The following AADACL4 variants were observed in gnomAD, a reference collection of about 807,000 sequenced individuals.
The protein encoded by AADACL4 is arylacetamide deacetylase like 4, also known as arylacetamide deacetylase-like 4.
Under a neutral mutation model 14.1 loss-of-function variants are expected in AADACL4, and 9 were observed. That is an observed-to-expected ratio of 0.64 (90% CI 0.39 to 1.12). The LOEUF is 1.12. Among genes scored for constraint, AADACL4 ranks in the 50% most tolerant of loss-of-function variants. The probability of loss-of-function intolerance (pLI) is 0.01; values close to 1 mark genes in which losing one functional copy is unlikely to be tolerated. For synonymous variants in AADACL4, 188 were observed against 201.6 expected (o/e 0.93, Z 0.57); for missense variants, 531 against 516.1 (o/e 1.03, Z -0.28).
chr1:12,658,098 T>TC (rs1557550772), intron 2 of AADACL4, among the ~76,000 whole-genome samples: 3 of 131,354 alleles, frequency 2.3e-5, no homozygotes, highest in East Asian at 4.3e-4. Flanking sequence ...TCTCTTTCTT[T>TC]CTCTCTTTCT....
intron 3 of AADACL4, among the ~76,000 whole-genome samples, chr1:12,663,452 A>G (rs1040423058): frequency 6.6e-6 from 1 of 152,140 alleles, no homozygotes; most frequent in Non-Finnish European, 1.5e-5. Context: ...TGCCTCCTTC[A>G]TAAGGGCACT....
intron 2 of AADACL4, among the ~76,000 whole-genome samples, chr1:12,656,891 A>G (rs986268202): frequency 6.6e-6 from 1 of 152,138 alleles, no homozygotes; most frequent in Non-Finnish European, 1.5e-5. Context: ...TTGGAATCCC[A>G]GCACTTTGGG....
At chr1:12,658,893 C>T (rs1005190396) in intron 2 of AADACL4, among the ~76,000 whole-genome samples, 5 of 152,142 alleles carry the variant, frequency 3.3e-5, no homozygotes, top group Non-Finnish European at 7.3e-5. Flanking sequence ...TACTTGACTC[C>T]CCCACTAAAA....
In AADACL4 at chr1:12,644,358, G is replaced by A. The variant is rs140304788; in HGVS notation, c.-189G>A. Among the ~76,000 whole-genome samples, 1 of 152,140 alleles carries A rather than the reference G, an allele frequency of 6.6e-6. No individual in the cohort carries two copies. Among genetic ancestry groups the A allele is most frequent in the Non-Finnish European group, 1.5e-5 (1 of 68,028 alleles). On this transcript the variant is annotated 5_prime_UTR_variant, in exon 1 of 4. Transcript: ENST00000376221. ...GTCCCCACATTGCTTAGGGAAATAG[G>A]TTCCTCCACCTCCCATTGGCCTTTT... is the stretch of plus-strand genomic sequence containing the variant.
intron 1 of AADACL4, among the ~76,000 whole-genome samples, chr1:12,647,130 G>A (rs1021696158): frequency 1.4e-5 from 2 of 143,878 alleles, no homozygotes; most frequent in African/African-American, 5.2e-5. Context: ...GTCTCACTCT[G>A]TCACCCAGGC....
chr1:12,651,010 A>C, intron 1 of AADACL4, 113 bp from the exon 2 acceptor site: 1 of 1,025,368 alleles, frequency 9.8e-7, no homozygotes, highest in East Asian at 2.5e-5. Flanking sequence ...CTGTACCTAC[A>C]GGAGGCAGGT....
chr1:12,662,747 C>G (rs150484017), intron 3 of AADACL4, among the ~76,000 whole-genome samples: 67 of 152,342 alleles, frequency 4.4e-4, no homozygotes, highest in East Asian at 1.5e-3. Flanking sequence ...GACAGAATAG[C>G]TGTGTGACTT....
intron 2 of AADACL4, among the ~76,000 whole-genome samples, chr1:12,654,526 C>G (rs900086620): frequency 6.6e-6 from 1 of 152,174 alleles, no homozygotes; most frequent in Non-Finnish European, 1.5e-5. Context: ...GATTTAGAAG[C>G]AGCAAGCATT....
chr1:12,666,542 GTGAGAA>G lies in AADACL4; in HGVS notation c.1035_1040del (p.Glu345_Asn346del). The G allele has an allele frequency of 4.3e-6, 7 of 1,614,228 alleles. No individual in the cohort carries two copies. The highest frequency in any genetic ancestry group is 5.9e-6 in the Non-Finnish European group (7 of 1,180,050). Reference sequence around the variant, plus strand: ...CTTCCTGAGGCCTTCCTGGTGAGCTGTGAGAATGACATACTCCGTGATGACAGCTTG... The same window carrying G: ...CTTCCTGAGGCCTTCCTGGTGAGCTGTGACATACTCCGTGATGACAGCTTG... On this transcript the variant is annotated inframe_deletion, in exon 4 of 4. Coordinates refer to ENST00000376221, the MANE Select transcript of AADACL4 (RefSeq NM_001013630.2).
chr1:12,649,630 A>ACCTCAGG (rs1647133189), intron 1 of AADACL4, among the ~76,000 whole-genome samples: 1 of 152,106 alleles, frequency 6.6e-6, no homozygotes, highest in African/African-American at 2.4e-5. Flanking sequence ...TAGTCCGTGC[A>ACCTCAGG]ACCTCAGACA....
At chr1:12,654,241 G>T (rs1292693040) in intron 2 of AADACL4, among the ~76,000 whole-genome samples, 4 of 152,182 alleles carry the variant, frequency 2.6e-5, no homozygotes, top group African/African-American at 9.7e-5. Context: ...CTACTGTTTG[G>T]TTTTTGGACA....
intron 1 of AADACL4, among the ~76,000 whole-genome samples, chr1:12,650,233 A>G (rs549750566): frequency 1.3e-5 from 2 of 152,330 alleles, no homozygotes; most frequent in East Asian, 1.9e-4. Flanking sequence ...TACATGAAAT[A>G]TGACACCTTG....
At position 12,644,748 on chromosome 1, in the gene AADACL4, G is replaced by A. The variant is rs376762985; in HGVS notation, c.168+34G>A. ...ACTCTCAGGCCACGTCGTAACCTGG[G>A]GGCTTCTTCTCTTGTTCTCAGTACC... On this transcript the variant is annotated intron_variant, in intron 1 of 3. Transcript: ENST00000376221. 9 of 1,604,416 alleles carry A rather than the reference G, an allele frequency of 5.6e-6. No individual in the cohort carries two copies. The Middle Eastern group carries it at 5.0e-4, about 88-fold the overall frequency.
chr1:12,648,853 G>A (rs1000448152), intron 1 of AADACL4, among the ~76,000 whole-genome samples: 11 of 152,130 alleles, frequency 7.2e-5, no homozygotes, highest in African/African-American at 1.9e-4. Context: ...AAGTAACTTC[G>A]TGGCATAGCT....
At chr1:12,664,843 C>T (rs1349126879) in intron 3 of AADACL4, among the ~76,000 whole-genome samples, 1 of 152,048 alleles carries the variant, frequency 6.6e-6, no homozygotes, top group Non-Finnish European at 1.5e-5. Context: ...TTAGCTTGTT[C>T]ATTACTGCTT....
chr1:12,644,483 G>T lies in AADACL4; in HGVS notation c.-64G>T. The T allele has an allele frequency of 6.3e-7, 1 of 1,575,622 alleles. No individual in the cohort carries two copies. Among genetic ancestry groups the T allele is most frequent in the East Asian group, 2.2e-5 (1 of 44,608 alleles). ...GAGGCGGAGGGTGTAACCCAGCCAG[G>T]TCCTCTTCACATAAGCTATCAGACA... On this transcript the variant is annotated 5_prime_UTR_variant, in exon 1 of 4. Coordinates refer to ENST00000376221, the MANE Select transcript of AADACL4 (RefSeq NM_001013630.2).
rs372574037 is a variant in AADACL4 at position 12,666,151 on chromosome 1, C to T, written c.640C>T (p.Arg214Trp). 6.1e-5 allele frequency: 99 copies of T among 1,614,132 alleles called. No individual in the cohort carries two copies. The highest frequency in any genetic ancestry group is 1.6e-4 in the Middle Eastern group (1 of 6,084). Reference protein sequence around the residue: ...QALVGRSDLPRIRAQVLIYPV... With the variant: ...QALVGRSDLPWIRAQVLIYPV... ...CTTGGTGGGCAGATCAGATCTTCCC[C>T]GGATCCGGGCTCAGGTTCTGATTTA... is the stretch of plus-strand genomic sequence containing the variant. Residue 214 changes from arginine to tryptophan, a missense_variant, in exon 4 of 4, where the codon CGG (arginine) becomes TGG (tryptophan). Arg to Trp is a moderately radical substitution (Grantham distance 101). Transcript: ENST00000376221.
chr1:12,654,066 T>A (rs1467479044), intron 2 of AADACL4, among the ~76,000 whole-genome samples: 3 of 152,134 alleles, frequency 2.0e-5, no homozygotes, highest in African/African-American at 7.2e-5. Flanking sequence ...CAGGATCAGT[T>A]CTCTCAAAAG....
rs142124444 is a variant in AADACL4, at chr1:12,652,625, G to A, written c.385+1286G>A. 5.9e-3 allele frequency among the ~76,000 whole-genome samples: 898 copies of A among 152,304 alleles called. 6 individuals are homozygous for A. Among genetic ancestry groups the A allele is most frequent in the Middle Eastern group, 0.041 (12 of 294 alleles). On this transcript the variant is annotated intron_variant, in intron 2 of 3. Transcript: ENST00000376221. Reference sequence around the variant, plus strand: ...TGGGATGGACTCAAGAGAGACAGGCGCAAAGAAATGCTACCTTTATGCATT... The same window carrying A: ...TGGGATGGACTCAAGAGAGACAGGCACAAAGAAATGCTACCTTTATGCATT...
Sources: allele counts gnomAD v4.1 joint callset (sites outside exome capture counted in the v4.1 genomes callset), GRCh38; gene constraint gnomAD v4.1.1; transcripts MANE v1.5; gene names NCBI Gene and HGNC (gene_info 2026-07-23, HGNC 2026-07-21).